The following XRN1 variants were observed in gnomAD, a reference collection of about 807,000 sequenced individuals.
XRN1 encodes the protein 5'-3' exoribonuclease 1, also known as strand-exchange protein 1 homolog.
XRN1 carries 67 observed loss-of-function variants against 222.3 expected under a neutral mutation model. That is an observed-to-expected ratio of 0.30 (90% CI 0.25 to 0.37). The LOEUF is 0.37. Ranked by LOEUF, XRN1 falls within the 10% of genes least tolerant of loss-of-function variation. The pLI is 1.00. For missense variants in XRN1, 1,707 were observed against 2,000.2 expected (o/e 0.85, Z 2.80); for synonymous variants, 643 against 652.4 (o/e 0.99, Z 0.22).
Position 142,311,401 on chromosome 3 carries a change from T to C in XRN1, c.*110A>G. On this transcript the variant is annotated 3_prime_UTR_variant, in exon 41 of 41. Coordinates refer to ENST00000392981, the MANE Select transcript of XRN1 (RefSeq NM_001282857.2). Reference sequence around the variant, plus strand: ...CTTAAAAATGAAAAAAATTTCAATTTACACATATTATTTTAAAATAGTACA... The same window carrying C: ...CTTAAAAATGAAAAAAATTTCAATTCACACATATTATTTTAAAATAGTACA... The C allele has an allele frequency of 9.4e-7, 1 of 1,068,156 alleles. No individual in the cohort carries two copies. The highest frequency in any genetic ancestry group is 1.3e-6 in the Non-Finnish European group (1 of 779,370). 66.2% of individuals were successfully genotyped at this position (1,068,156 alleles called of 1,614,324 possible).
rs559861195 is a variant in XRN1 at position 142,418,639 on chromosome 3, T to C, written c.1241-30A>G. The C allele has an allele frequency of 3.0e-5, 46 of 1,538,204 alleles. No individual in the cohort carries two copies. The South Asian group carries it at 5.1e-4, about 17-fold the overall frequency. On this transcript the variant is annotated intron_variant, in intron 11 of 40. Coordinates refer to ENST00000392981, the MANE Select transcript of XRN1 (RefSeq NM_001282857.2). The stretch of plus-strand genomic sequence containing the variant: ...GGAAAAAAGTCAGAAAGATAGTGAC[T>C]GACAATTATGAATAGCCTGTTTTTC...
Position 142,400,458 on chromosome 3 carries a change from T to C in XRN1, c.2193A>G (p.Ser731=). ...HLEEARVVAV[S]DGETKFYLEE... ...ATCTTACTTACTTAGTTTCTCCATC[T>C]GATACAGCCACGACTCTAGCTTCCT... The change falls in exon 19 of 41, where the codon TCA becomes TCG. Residue 731 remains serine, a synonymous_variant. Transcript: ENST00000392981. The C allele has an allele frequency of 6.2e-7, 1 of 1,608,832 alleles. No individual in the cohort carries two copies. The highest frequency in any genetic ancestry group is 8.5e-7 in the Non-Finnish European group (1 of 1,177,540).
At chr3:142,425,664 G>A (rs1358185717) in intron 3 of XRN1, 126 bp from the exon 4 acceptor site, 1 of 701,024 alleles carries the variant, frequency 1.4e-6, no homozygotes, top group African/African-American at 1.8e-5. Flanking sequence ...CTCCAAAGAA[G>A]GTCAAAAGCT....
intron 20 of XRN1, among the ~76,000 whole-genome samples, chr3:142,386,198 T>A (rs1410915061): frequency 1.3e-5 from 2 of 151,980 alleles, no homozygotes; most frequent in Non-Finnish European, 2.9e-5. Flanking sequence ...AATCTTGATA[T>A]CAACAGCTGA....
chr3:142,349,401 T>C (rs545555935), intron 32 of XRN1, among the ~76,000 whole-genome samples: 2 of 152,292 alleles, frequency 1.3e-5, no homozygotes, highest in South Asian at 4.1e-4. Context: ...ACAAGTATTG[T>C]CTGAGTGTCT....
chr3:142,407,707 A>G (rs1200472968), intron 15 of XRN1: 2 of 152,168 alleles, frequency 1.3e-5, no homozygotes, highest in Non-Finnish European at 2.9e-5. Flanking sequence ...CGCAAGGGCC[A>G]TGCTAATCTT....
intron 1 of XRN1, among the ~76,000 whole-genome samples, chr3:142,446,018 T>C (rs2070484804): frequency 6.6e-6 from 1 of 152,262 alleles, no homozygotes; most frequent in African/African-American, 2.4e-5. Context: ...AGACTATTGA[T>C]AGTTTGCCTC....
intron 33 of XRN1, among the ~76,000 whole-genome samples, chr3:142,344,754 C>T (rs552855610): frequency 7.9e-5 from 12 of 151,856 alleles, no homozygotes; most frequent in East Asian, 1.9e-4. Flanking sequence ...AATTAAAGAC[C>T]GAAATAAATG....
intron 33 of XRN1, among the ~76,000 whole-genome samples, chr3:142,343,066 C>A (rs2066041482): frequency 6.6e-6 from 1 of 152,028 alleles, no homozygotes; most frequent in South Asian, 2.1e-4. Context: ...GGAGCTCAAA[C>A]AACTTTCTAG....
chr3:142,416,620 A>G (rs1158923975), intron 13 of XRN1, among the ~76,000 whole-genome samples: 1 of 152,280 alleles, frequency 6.6e-6, no homozygotes, highest in African/African-American at 2.4e-5. Context: ...TAACTTTGAT[A>G]GAGAACATTA....
intron 15 of XRN1, among the ~76,000 whole-genome samples, chr3:142,408,643 A>G (rs1450837240): frequency 6.6e-6 from 1 of 152,178 alleles, no homozygotes; most frequent in Non-Finnish European, 1.5e-5. Context: ...TTTCCAGTTT[A>G]GTTATTATGA....
chr3:142,411,505 C>G (rs1190118983), intron 15 of XRN1, among the ~76,000 whole-genome samples: 4 of 152,042 alleles, frequency 2.6e-5, no homozygotes, highest in African/African-American at 7.2e-5. Flanking sequence ...TCGTATCATA[C>G]TGACCATGGA....
intron 15 of XRN1, among the ~76,000 whole-genome samples, chr3:142,411,883 G>C (rs1018546118): frequency 6.7e-6 from 1 of 149,718 alleles, no homozygotes; most frequent in East Asian, 2.0e-4. Flanking sequence ...GTGCAGTGGC[G>C]CGATCTCGGT....
Position 142,412,529 on chromosome 3 carries a change from A to G in XRN1, c.1713+15T>C. ...AAGAATGTATGTGTATGTAATGATT[A>G]TTTCATGCACTGACCTCATCAATAA... On this transcript the variant is annotated intron_variant, in intron 15 of 40. Transcript: ENST00000392981. 6.4e-7 allele frequency: 1 copy of G among 1,570,070 alleles called. No individual in the cohort carries two copies. Among genetic ancestry groups the G allele is most frequent in the South Asian group, 1.2e-5 (1 of 83,310 alleles).
chr3:142,427,593 A>G lies in XRN1; in HGVS notation c.309-752T>C, dbSNP rs985426351. ...CCTAAGATTATATAAAAATGCAATT[A>G]TAAAATTGAAATATCTATCTTTGTG... On this transcript the variant is annotated intron_variant, in intron 2 of 40. Coordinates refer to ENST00000392981, the MANE Select transcript of XRN1 (RefSeq NM_001282857.2). 1.4e-4 allele frequency among the ~76,000 whole-genome samples: 21 copies of G among 152,368 alleles called. No homozygotes were observed. The East Asian group carries it at 2.1e-3, about 15-fold the overall frequency.
chr3:142,419,247 G>A (rs1417474695), intron 10 of XRN1, among the ~76,000 whole-genome samples: 2 of 152,060 alleles, frequency 1.3e-5, no homozygotes, highest in East Asian at 1.9e-4. Context: ...TGTGGTGGGG[G>A]AGCCAGGGAT....
Position 142,329,597 on chromosome 3 carries a change from G to A in XRN1, c.4241C>T (p.Pro1414Leu). The change falls in exon 37 of 41, where the codon CCT (proline) becomes CTT (leucine). Residue 1414 changes from proline (P) to leucine (L), a missense_variant. By Grantham distance (98) the Pro-to-Leu change is moderately conservative. Coordinates refer to ENST00000392981, the MANE Select transcript of XRN1 (RefSeq NM_001282857.2). ...ATTATGGTACTCATTAGCACTGTGA[G>A]GCTTGTTCATATAAGATGCTACCAA... ...NKKLASYMNK[P>L]HSANEYHNVQ... The A allele has an allele frequency of 6.5e-7, 1 of 1,544,562 alleles. No individual in the cohort carries two copies. The highest frequency in any genetic ancestry group is 8.7e-7 in the Non-Finnish European group (1 of 1,155,274).
intron 1 of XRN1, among the ~76,000 whole-genome samples, chr3:142,439,993 G>T: frequency 6.6e-6 from 1 of 150,602 alleles, no homozygotes; most frequent in East Asian, 1.9e-4. Context: ...CTGAGACGAA[G>T]GTCTCAGGAG....
chr3:142,355,601 G>A, intron 31 of XRN1, 105 bp from the exon 32 acceptor site: 1 of 743,146 alleles, frequency 1.3e-6, no homozygotes, highest in Non-Finnish European at 2.0e-6. Flanking sequence ...GTGGTAGACA[G>A]GATATTAAAC....
Sources: gnomAD v4.1 joint callset for allele counts (sites outside exome capture counted in the v4.1 genomes callset) on GRCh38, gnomAD v4.1.1 for gene constraint, MANE v1.5 for transcripts, NCBI Gene and HGNC (gene_info 2026-07-23, HGNC 2026-07-21) for gene names.